The following IQCJ variants were observed in gnomAD, a reference collection of about 807,000 sequenced individuals.
IQCJ encodes the protein IQ motif containing J, also known as IQ domain-containing protein J.
In IQCJ, 9 loss-of-function variants were observed where a neutral mutation model predicts 11.0. The observed-to-expected ratio is 0.82, with a 90% CI of 0.49 to 1.43. IQCJ has a LOEUF of 1.43. IQCJ is among the 40% of genes most tolerant of loss of function. The pLI is 0.00. For missense variants in IQCJ, 146 were observed against 133.2 expected (o/e 1.10, Z -0.47); for synonymous variants, 55 against 51.3 (o/e 1.07, Z -0.31).
intron 1 of IQCJ, among the ~76,000 whole-genome samples, chr3:159,177,310 AT>A (rs1722849538): frequency 6.6e-6 from 1 of 152,086 alleles, no homozygotes; most frequent in Non-Finnish European, 1.5e-5. Flanking sequence ...TTATATAAAG[AT>A]TTCCTGGGTG....
intron 1 of IQCJ, among the ~76,000 whole-genome samples, chr3:159,158,715 C>T (rs1410351410): frequency 2.6e-5 from 4 of 152,170 alleles, no homozygotes; most frequent in Non-Finnish European, 5.9e-5. Context: ...GTAGAATTGG[C>T]AGTACCTGTG....
downstream of IQCJ, chr3:159,265,205 T>C: frequency 5.0e-6 from 8 of 1,611,890 alleles, no homozygotes; most frequent in Non-Finnish European, 4.2e-6. Context: ...TTATCTGCTG[T>C]GATCATCAGT....
chr3:159,173,567 A>C (rs531357420), intron 1 of IQCJ, among the ~76,000 whole-genome samples: 1 of 152,226 alleles, frequency 6.6e-6, no homozygotes, highest in African/African-American at 2.4e-5. Context: ...TCTCTTATGC[A>C]CCTACAAATG....
At chr3:159,227,742 A>G (rs1725943276) in intron 1 of IQCJ, among the ~76,000 whole-genome samples, 1 of 152,246 alleles carries the variant, frequency 6.6e-6, no homozygotes, top group Non-Finnish European at 1.5e-5. Context: ...CCTTTACCCA[A>G]AGACTATGTT....
intron 1 of IQCJ, among the ~76,000 whole-genome samples, chr3:159,223,932 G>A (rs369890527): frequency 4.1e-4 from 63 of 152,014 alleles, no homozygotes; most frequent in Non-Finnish European, 6.9e-4. Flanking sequence ...ATCTCATTAC[G>A]TATGTGCAAA....
At chr3:159,261,589 A>G (rs974852891) in intron 3 of IQCJ, among the ~76,000 whole-genome samples, 1 of 152,184 alleles carries the variant, frequency 6.6e-6, no homozygotes, top group Non-Finnish European at 1.5e-5. Flanking sequence ...GCCTTCTGCC[A>G]TGATTGTAAG....
chr3:159,211,809 C>G (rs138108898), intron 1 of IQCJ, among the ~76,000 whole-genome samples: 1 of 151,454 alleles, frequency 6.6e-6, no homozygotes, highest in Admixed American at 6.6e-5. Context: ...GCTAGAGTGA[C>G]GATATACAAT....
At chr3:159,186,339 T>G (rs73877532) in intron 1 of IQCJ, among the ~76,000 whole-genome samples, 2,804 of 152,296 alleles carry the variant, frequency 0.018, 80 homozygotes, top group African/African-American at 0.065. Context: ...GCTGGATGAA[T>G]ACATTCTAAT....
At chr3:159,217,975 T>C (rs1206254954) in intron 1 of IQCJ, among the ~76,000 whole-genome samples, 2 of 151,910 alleles carry the variant, frequency 1.3e-5, no homozygotes, top group Non-Finnish European at 2.9e-5. Flanking sequence ...CTCTTCACTA[T>C]TACAGCTTTG....
intron 1 of IQCJ, among the ~76,000 whole-genome samples, chr3:159,225,460 T>C (rs958208790): frequency 6.6e-6 from 1 of 152,196 alleles, no homozygotes; most frequent in Non-Finnish European, 1.5e-5. Flanking sequence ...ATCTTGATCG[T>C]AGTAGTTGTT....
In IQCJ at chr3:159,218,560, G is replaced by A. The variant is rs1725363277; in HGVS notation, c.10-27283G>A. On this transcript the variant is annotated intron_variant, in intron 1 of 3. Transcript: ENST00000397832. ...GAAGAGAGGACAAGAAGTAATGTCA[G>A]AATATGCCTGTGATTTAATTGGACC... 2.0e-5 allele frequency among the ~76,000 whole-genome samples: 3 copies of A among 152,220 alleles called. No individual in the cohort carries two copies. The South Asian group carries it at 6.2e-4, about 32-fold the overall frequency.
At chr3:159,228,648 G>A (rs200764245) in intron 1 of IQCJ, among the ~76,000 whole-genome samples, 27 of 152,120 alleles carry the variant, frequency 1.8e-4, no homozygotes, top group African/African-American at 5.8e-4. Flanking sequence ...AAAATTAGCC[G>A]GGCGTAGTGG....
At chr3:159,081,403 G>T (rs184888713) in intron 1 of IQCJ, among the ~76,000 whole-genome samples, 8 of 152,172 alleles carry the variant, frequency 5.3e-5, no homozygotes, top group Admixed American at 2.0e-4. Context: ...GGTGAATGCT[G>T]ATATCAGAGC....
At chr3:159,194,304 C>T (rs747988082) in intron 1 of IQCJ, among the ~76,000 whole-genome samples, 4 of 152,126 alleles carry the variant, frequency 2.6e-5, no homozygotes, top group African/African-American at 4.8e-5. Flanking sequence ...GTTGGCTGCC[C>T]GTCTATCTTG....
intron 1 of IQCJ, among the ~76,000 whole-genome samples, chr3:159,095,447 C>T (rs1012587675): frequency 4.2e-5 from 6 of 144,428 alleles, no homozygotes; most frequent in African/African-American, 1.6e-4. Flanking sequence ...ATGTGCCATG[C>T]TGGTGCGCTG....
intron 1 of IQCJ, among the ~76,000 whole-genome samples, chr3:159,101,933 T>C (rs1209275464): frequency 2.0e-5 from 3 of 152,354 alleles, no homozygotes; most frequent in South Asian, 2.1e-4. Flanking sequence ...ATCTGCTATT[T>C]ACACACAGCA....
At chr3:159,227,562 A>C (rs1228889909) in intron 1 of IQCJ, among the ~76,000 whole-genome samples, 1 of 152,200 alleles carries the variant, frequency 6.6e-6, no homozygotes, top group Non-Finnish European at 1.5e-5. Flanking sequence ...CTGTCTCCAC[A>C]CCTCAGAACT....
At chr3:159,103,837 G>A (rs1210881948) in intron 1 of IQCJ, among the ~76,000 whole-genome samples, 1 of 152,254 alleles carries the variant, frequency 6.6e-6, no homozygotes, top group Non-Finnish European at 1.5e-5. Flanking sequence ...TAGGTACATT[G>A]TTTTGAGAAG....
At chr3:159,105,574 G>A (rs1392263560) in intron 1 of IQCJ, among the ~76,000 whole-genome samples, 1 of 152,114 alleles carries the variant, frequency 6.6e-6, no homozygotes, top group Non-Finnish European at 1.5e-5. Context: ...TTGAGAGTGA[G>A]CCTCTGCTGG....
Sources: allele counts gnomAD v4.1 joint callset (sites outside exome capture counted in the v4.1 genomes callset), GRCh38; gene constraint gnomAD v4.1.1; transcripts MANE v1.5; gene names NCBI Gene and HGNC (gene_info 2026-07-23, HGNC 2026-07-21).